Variants in GRIP1 observed in about 807,000 individuals in gnomAD.
GRIP1 encodes the protein glutamate receptor-interacting protein 1.
Under a neutral mutation model 129.9 loss-of-function variants are expected in GRIP1, and 45 were observed. The ratio of observed to expected loss-of-function variants is 0.35; its 90% CI spans 0.27 to 0.44. The LOEUF (loss-of-function observed/expected upper bound fraction) is 0.44. Among genes scored for constraint, GRIP1 ranks in the 20% least tolerant of loss-of-function variants. The pLI is 1.00. For synonymous variants in GRIP1, 530 were observed against 520.8 expected, an observed-to-expected ratio of 1.02 and a Z score of -0.24; for missense variants, 1,196 against 1,396.8, an observed-to-expected ratio of 0.86 and a Z score of 2.29.
chr12:66,430,965 T>A (rs1362754289), intron 14 of GRIP1, among the ~76,000 whole-genome samples: 2 of 151,994 alleles, frequency 1.3e-5, no homozygotes, highest in Non-Finnish European at 2.9e-5. Flanking sequence ...AGAATGGAAG[T>A]GGGGGCAGGG....
chr12:66,586,809 C>T (rs978968367), intron 2 of GRIP1, among the ~76,000 whole-genome samples: 2 of 152,198 alleles, frequency 1.3e-5, no homozygotes, highest in Admixed American at 1.3e-4. Context: ...TCTAAGCCAT[C>T]ATCATTTCTT....
chr12:66,593,801 G>T (rs781423425), intron 2 of GRIP1, among the ~76,000 whole-genome samples: 6 of 152,146 alleles, frequency 3.9e-5, no homozygotes, highest in Non-Finnish European at 8.8e-5. Flanking sequence ...GGGCACGGTG[G>T]CTCACACCTG....
At chr12:66,858,900 T>C (rs923533933) in intron 1 of GRIP1, among the ~76,000 whole-genome samples, 32 of 151,938 alleles carry the variant, frequency 2.1e-4, no homozygotes. Flanking sequence ...TTTTTTGTGG[T>C]TGTTGGTTAT....
chr12:67,024,406 A>T (rs1322280829), intron 1 of GRIP1, among the ~76,000 whole-genome samples: 2 of 152,136 alleles, frequency 1.3e-5, no homozygotes, highest in Non-Finnish European at 2.9e-5. Context: ...GAGTATGAAG[A>T]GGGAGAGTGT....
chr12:66,793,120 C>T (rs1442756625), intron 1 of GRIP1, among the ~76,000 whole-genome samples: 1 of 152,170 alleles, frequency 6.6e-6, no homozygotes, highest in Non-Finnish European at 1.5e-5. Context: ...TCAGAGAACT[C>T]TCTGATCTTA....
At chr12:66,594,076 A>AG (rs1319840155) in intron 2 of GRIP1, among the ~76,000 whole-genome samples, 1 of 150,656 alleles carries the variant, frequency 6.6e-6, no homozygotes, top group Non-Finnish European at 1.5e-5. Context: ...TCAAAAAAAA[A>AG]AAAAAAAAAA....
chr12:66,671,883 A>C (rs1485349312), intron 1 of GRIP1, among the ~76,000 whole-genome samples: 1 of 152,222 alleles, frequency 6.6e-6, no homozygotes, highest in Non-Finnish European at 1.5e-5. Flanking sequence ...TGAAGGCAAC[A>C]ATTTAAAGCA....
At chr12:66,752,808 C>T (rs781134114) in intron 1 of GRIP1, among the ~76,000 whole-genome samples, 2 of 151,858 alleles carry the variant, frequency 1.3e-5, no homozygotes, top group Non-Finnish European at 2.9e-5. Flanking sequence ...TTAATGTGAC[C>T]CTTGACTTCA....
intron 1 of GRIP1, among the ~76,000 whole-genome samples, chr12:66,778,919 C>A (rs1022017531): frequency 1.3e-5 from 2 of 152,178 alleles, no homozygotes; most frequent in Non-Finnish European, 2.9e-5. Context: ...GAAGTCTGAA[C>A]TGACCTCACC....
intron 1 of GRIP1, among the ~76,000 whole-genome samples, chr12:66,972,702 C>T (rs1566101066): frequency 1.3e-5 from 2 of 152,168 alleles, no homozygotes; most frequent in Non-Finnish European, 2.9e-5. Context: ...TTTTCTAGCT[C>T]ATCACAGTGA....
At chr12:66,950,219 G>A (rs1238042494) in intron 1 of GRIP1, among the ~76,000 whole-genome samples, 2 of 152,024 alleles carry the variant, frequency 1.3e-5, no homozygotes, top group African/African-American at 4.8e-5. Context: ...CATGATTTTA[G>A]ATACAAAAAT....
chr12:66,827,121 A>G (rs1420467725), intron 1 of GRIP1, among the ~76,000 whole-genome samples: 1 of 152,118 alleles, frequency 6.6e-6, no homozygotes, highest in African/African-American at 2.4e-5. Context: ...AACTATACAC[A>G]TTAATTTTCT....
chr12:66,724,233 C>T (rs1008698494), intron 1 of GRIP1, among the ~76,000 whole-genome samples: 3 of 152,178 alleles, frequency 2.0e-5, no homozygotes, highest in African/African-American at 4.8e-5. Flanking sequence ...CATTTCTTTA[C>T]ACATATCAGC....
At chr12:67,011,451 C>T (rs1331034356) in intron 1 of GRIP1, among the ~76,000 whole-genome samples, 1 of 152,192 alleles carries the variant, frequency 6.6e-6, no homozygotes, top group East Asian at 1.9e-4. Context: ...GCCCCTGCTA[C>T]CTCTCTACCT....
At chr12:66,488,467 C>T (rs2060015838) in intron 7 of GRIP1, among the ~76,000 whole-genome samples, 1 of 152,004 alleles carries the variant, frequency 6.6e-6, no homozygotes, top group Non-Finnish European at 1.5e-5. Context: ...TGGGATGCAG[C>T]TAAAGTAATG....
chr12:66,928,190 C>T (rs189166093), intron 1 of GRIP1, among the ~76,000 whole-genome samples: 31 of 152,240 alleles, frequency 2.0e-4, no homozygotes, highest in African/African-American at 6.5e-4. Flanking sequence ...CCATATAAAC[C>T]TCTGGTAAAT....
intron 13 of GRIP1, among the ~76,000 whole-genome samples, chr12:66,432,869 G>A (rs940841347): frequency 2.6e-5 from 4 of 152,176 alleles, no homozygotes; most frequent in Non-Finnish European, 5.9e-5. Flanking sequence ...TCTCAAGTGT[G>A]ATGCATGCAC....
intron 2 of GRIP1, among the ~76,000 whole-genome samples, chr12:66,551,614 C>T (rs560838323): frequency 2.1e-5 from 3 of 139,916 alleles, no homozygotes; most frequent in African/African-American, 8.0e-5. Flanking sequence ...CACTCTATTG[C>T]CCAGACTGTA....
intron 1 of GRIP1, among the ~76,000 whole-genome samples, chr12:66,940,654 T>C (rs2041569634): frequency 6.6e-6 from 1 of 152,216 alleles, no homozygotes; most frequent in African/African-American, 2.4e-5. Context: ...TCCAAGCTAC[T>C]TGAATGGTCC....
Sources: gnomAD v4.1 joint callset for allele counts (sites outside exome capture counted in the v4.1 genomes callset) on GRCh38, gnomAD v4.1.1 for gene constraint, MANE v1.5 for transcripts, NCBI Gene and HGNC (gene_info 2026-07-23, HGNC 2026-07-21) for gene names.